Variants in AKT3 observed in about 807,000 individuals in gnomAD.
The protein encoded by AKT3 is RAC-gamma serine/threonine-protein kinase.
In AKT3, 15 loss-of-function variants were observed where a neutral mutation model predicts 65.3. That is an observed-to-expected ratio of 0.23 (90% CI 0.15 to 0.35). The LOEUF is 0.35. Among genes scored for constraint, AKT3 ranks in the 10% least tolerant of loss-of-function variants. AKT3 has a pLI of 1.00. For synonymous variants in AKT3, 206 were observed against 183.8 expected, an observed-to-expected ratio of 1.12 and a Z score of -0.98; for missense variants, 243 against 576.5, an observed-to-expected ratio of 0.42 and a Z score of 5.92.
intron 8 of AKT3, among the ~76,000 whole-genome samples, chr1:243,586,494 G>A (rs1675817737): frequency 6.6e-6 from 1 of 152,006 alleles, no homozygotes; most frequent in Non-Finnish European, 1.5e-5. Flanking sequence ...GGATAGACCG[G>A]ATTAAGAAAA....
chr1:243,783,647 G>A lies in AKT3; in HGVS notation c.46+59478C>T, dbSNP rs4369213. Among the ~76,000 whole-genome samples the A allele has an allele frequency of 6.9e-3, 1,052 of 152,136 alleles. 81 individuals carry two copies. The East Asian group carries it at 0.16, about 24-fold the overall frequency. ...TAAAAAAAATCTGGTGAAAAAGTAC[G>A]ACAAAGCTAGGACATGGGTACTTTA... On this transcript the variant is annotated intron_variant, in intron 2 of 13. Coordinates refer to ENST00000673466, the MANE Select transcript of AKT3 (RefSeq NM_005465.7).
At chr1:243,756,106 C>T (rs918266483) in intron 2 of AKT3, among the ~76,000 whole-genome samples, 2 of 152,156 alleles carry the variant, frequency 1.3e-5, no homozygotes, top group Admixed American at 6.5e-5. Flanking sequence ...CTAGAATGGA[C>T]TCTTTGGTGT....
rs556649870 is a variant in AKT3, at chr1:243,698,566, A to G, written c.47-2850T>C. Among the ~76,000 whole-genome samples, 27 of 152,220 alleles carry G rather than the reference A, an allele frequency of 1.8e-4. 1 individual carries two copies. In the South Asian group the frequency reaches 5.0e-3, roughly 28 times the overall value. ...TAAAATATTTTCTATGATCTATAGC[A>G]GGACTTCTGGTTGCCAAAAAGCTAT... On this transcript the variant is annotated intron_variant, in intron 2 of 13. Transcript: ENST00000673466.
At chr1:243,576,609 T>G (rs1278033777) in intron 8 of AKT3, among the ~76,000 whole-genome samples, 1 of 152,196 alleles carries the variant, frequency 6.6e-6, no homozygotes, top group Non-Finnish European at 1.5e-5. Context: ...AAATCATTTA[T>G]GAACTCTCAT....
chr1:243,650,419 C>T (rs1681218823), intron 4 of AKT3, among the ~76,000 whole-genome samples: 1 of 152,234 alleles, frequency 6.6e-6, no homozygotes, highest in Admixed American at 6.5e-5. Context: ...AATTAAATCC[C>T]ATTTGTCAAT....
At position 243,489,197 on chromosome 1, in the gene AKT3, TC is replaced by T. The variant is rs946690183; in HGVS notation, c.*7-748del. On this transcript the variant is annotated intron_variant, in intron 13 of 13. Coordinates refer to the AKT3 transcript ENST00000336199. ...CCTTGGGCGGGCGTCTACAGGTGGA[TC>T]TTTTATGCACCTCAACAGGCCGGCT... 4 of 1,595,416 alleles carry T rather than the reference TC, an allele frequency of 2.5e-6. No individual in the cohort carries two copies. In the African/African-American group the frequency reaches 5.4e-5, roughly 21 times the overall value.
chr1:243,528,178 G>T (rs1318612209), intron 12 of AKT3, among the ~76,000 whole-genome samples: 1 of 151,992 alleles, frequency 6.6e-6, no homozygotes, highest in African/African-American at 2.4e-5. Context: ...CTATCTGTAT[G>T]TTTTTATCTT....
intron 8 of AKT3, among the ~76,000 whole-genome samples, chr1:243,579,402 A>C (rs1239527740): frequency 2.0e-5 from 3 of 152,212 alleles, no homozygotes; most frequent in Non-Finnish European, 4.4e-5. Context: ...AAAGCAGAAC[A>C]GGACATTCAG....
At chr1:243,811,487 G>A (rs532035589) in intron 2 of AKT3, among the ~76,000 whole-genome samples, 1 of 152,242 alleles carries the variant, frequency 6.6e-6, no homozygotes, top group South Asian at 2.1e-4. Context: ...CTCCTTCAAG[G>A]AGAACTACAA....
At chr1:243,616,087 G>T (rs915229182) in intron 6 of AKT3, among the ~76,000 whole-genome samples, 1 of 151,202 alleles carries the variant, frequency 6.6e-6, no homozygotes, top group Admixed American at 6.6e-5. Context: ...AGGTTTTTGG[G>T]GAGCAGGTGG....
intron 6 of AKT3, among the ~76,000 whole-genome samples, chr1:243,615,578 A>G (rs1363184767): frequency 6.6e-6 from 1 of 152,192 alleles, no homozygotes; most frequent in African/African-American, 2.4e-5. Context: ...ATATTTCCCA[A>G]TAAATATCAA....
intron 2 of AKT3, among the ~76,000 whole-genome samples, chr1:243,726,632 T>G (rs191173833): frequency 6.6e-6 from 1 of 152,254 alleles, no homozygotes; most frequent in East Asian, 1.9e-4. Context: ...CATTTATCTA[T>G]GAACAAGCAC....
At chr1:243,583,191 T>TACAC (rs1558632326) in intron 8 of AKT3, among the ~76,000 whole-genome samples, 12 of 71,232 alleles carry the variant, frequency 1.7e-4, no homozygotes, top group Non-Finnish European at 8.7e-5. Context: ...TATATATATA[T>TACAC]ATATACACAC....
intron 3 of AKT3, among the ~76,000 whole-genome samples, chr1:243,684,639 G>C (rs1684158593): frequency 2.0e-5 from 3 of 152,176 alleles, no homozygotes. Flanking sequence ...TGTCTTTATA[G>C]CAAAATGATT....
intron 5 of AKT3, among the ~76,000 whole-genome samples, chr1:243,641,661 C>T (rs542598061): frequency 6.6e-6 from 1 of 152,098 alleles, no homozygotes; most frequent in South Asian, 2.1e-4. Flanking sequence ...CTTGGCTGGG[C>T]GTGGTGGCTC....
intron 3 of AKT3, among the ~76,000 whole-genome samples, chr1:243,678,241 A>G (rs1249629595): frequency 3.3e-5 from 5 of 152,208 alleles, no homozygotes; most frequent in Middle Eastern, 3.2e-3. Flanking sequence ...CAAATAAGTT[A>G]GCCTGGCTTT....
chr1:243,726,877 C>A (rs146012676), intron 2 of AKT3, among the ~76,000 whole-genome samples: 339 of 152,326 alleles, frequency 2.2e-3, no homozygotes, highest in African/African-American at 7.9e-3. Context: ...CATCCTTCAA[C>A]AAACTCTGGC....
At chr1:243,655,590 A>G (rs1681716036) in intron 4 of AKT3, among the ~76,000 whole-genome samples, 1 of 152,160 alleles carries the variant, frequency 6.6e-6, no homozygotes, top group Non-Finnish European at 1.5e-5. Flanking sequence ...GTGAGTTTAC[A>G]TTTGCTTTTA....
intron 3 of AKT3, among the ~76,000 whole-genome samples, chr1:243,673,892 C>T (rs559204109): frequency 2.6e-5 from 4 of 152,208 alleles, no homozygotes; most frequent in South Asian, 2.1e-4. Context: ...GGATTACAGG[C>T]GTGAGCCACT....
Sources: gnomAD v4.1 joint callset for allele counts (sites outside exome capture counted in the v4.1 genomes callset) on GRCh38, gnomAD v4.1.1 for gene constraint, MANE v1.5 for transcripts, NCBI Gene and HGNC (gene_info 2026-07-23, HGNC 2026-07-21) for gene names.